CCNG1: variants seen among roughly 807,000 people sequenced by gnomAD.
CCNG1 encodes the protein cyclin-G1.
Under a neutral mutation model 30.0 loss-of-function variants are expected in CCNG1, and 13 were observed. The ratio of observed to expected loss-of-function variants is 0.43; its 90% CI spans 0.28 to 0.69. CCNG1 has a LOEUF of 0.69. Ranked by LOEUF, CCNG1 falls within the 30% of genes least tolerant of loss-of-function variation. The pLI, the probability that CCNG1 is intolerant of heterozygous loss-of-function variation, is 0.16. For missense variants in CCNG1, 285 were observed against 331.4 expected, an observed-to-expected ratio of 0.86 and a Z score of 1.09; for synonymous variants, 110 against 121.5, an observed-to-expected ratio of 0.91 and a Z score of 0.62.
At position 163,441,953 on chromosome 5, in the gene CCNG1, T is replaced by C; in HGVS notation, c.586T>C (p.Ser196Pro). ...LKACHCRIIFSKAKPSVLALS... is the reference protein window; with the variant it reads ...LKACHCRIIFPKAKPSVLALS... ...GGCATGTCATTGCAGGATCATATTTTCTAAAGCAAAGGTAAATATTTTATA... is the reference window on the plus strand; with the variant it reads ...GGCATGTCATTGCAGGATCATATTTCCTAAAGCAAAGGTAAATATTTTATA... The change falls in exon 4 of 7, where the codon TCT (serine) becomes CCT (proline). Residue 196 changes from serine to proline, a missense_variant. Physicochemically the swap from Ser to Pro is moderately conservative, Grantham distance 74. Transcript: ENST00000340828. 1 of 1,607,378 alleles carries C rather than the reference T, an allele frequency of 6.2e-7. No homozygotes were observed. Among genetic ancestry groups the C allele is most frequent in the Non-Finnish European group, 8.5e-7 (1 of 1,174,164 alleles).
At chr5:163,452,159 G>C in the CCNG1 span, 2 of 152,030 alleles carry the variant, frequency 1.3e-5, no homozygotes, top group Non-Finnish European at 2.9e-5. Flanking sequence ...AAGCCCATGG[G>C]ATCAGAATTT....
downstream of CCNG1, chr5:163,450,940 C>T (rs910081294): frequency 3.9e-5 from 6 of 152,306 alleles, no homozygotes; most frequent in Admixed American, 3.9e-4. Flanking sequence ...TACAGCCATA[C>T]AATGAAGTAT....
chr5:163,441,069 A>AT lies in CCNG1; in HGVS notation c.265-3dup, dbSNP rs1282483492. Reference sequence around the variant, plus strand: ...CATGGGCTTACTGGTTTTGTTTTTGATTTTTTAGGTACAGCCCAAGCACCT... The same window carrying AT: ...CATGGGCTTACTGGTTTTGTTTTTGATTTTTTTAGGTACAGCCCAAGCACCT... On this transcript the variant is annotated splice_polypyrimidine_tract_variant and intron_variant, in intron 2 of 6. Transcript: ENST00000340828. 4.4e-6 allele frequency: 7 copies of AT among 1,602,292 alleles called. No homozygotes were observed. Among genetic ancestry groups the AT allele is most frequent in the Admixed American group, 1.7e-5 (1 of 57,146 alleles).
chr5:163,454,114 G>A, the CCNG1 span: 3 of 783,010 alleles, frequency 3.8e-6, no homozygotes, highest in East Asian at 9.2e-5. Flanking sequence ...AGTACAAACT[G>A]GCAATTGATA....
At chr5:163,456,689 G>A in the CCNG1 span, among the ~76,000 whole-genome samples, 2 of 152,116 alleles carry the variant, frequency 1.3e-5, no homozygotes, top group East Asian at 3.8e-4. Context: ...CATTACTGAT[G>A]TACATAAAAG....
At chr5:163,453,109 A>G in the CCNG1 span, 3 of 152,256 alleles carry the variant, frequency 2.0e-5, no homozygotes, top group Admixed American at 2.0e-4. Context: ...GTCTTCAACT[A>G]AATCACAAAT....
chr5:163,443,953 T>C lies in CCNG1; in HGVS notation c.*283T>C. The C allele has an allele frequency of 2.2e-6, 1 of 451,296 alleles. No individual in the cohort carries two copies. The highest frequency in any genetic ancestry group is 3.9e-6 in the Non-Finnish European group (1 of 254,812). The allele number at this position is 451,296 out of a possible 1,614,324, so 28.0% of individuals were successfully genotyped here. A position where few individuals can be genotyped will look rare whatever the true frequency, so the allele number is the denominator to read the frequency against. On this transcript the variant is annotated 3_prime_UTR_variant, in exon 7 of 7. Coordinates refer to ENST00000340828, the MANE Select transcript of CCNG1 (RefSeq NM_004060.4). ...AAACTGTGAATCTTCATTTCTATCA[T>C]TGATCTAACTTTAGATATTGGATCA... is the stretch of plus-strand genomic sequence containing the variant.
chr5:163,442,345 A>G, intron 5 of CCNG1, 29 bp from the exon 6 acceptor site: 1 of 1,532,890 alleles, frequency 6.5e-7, no homozygotes, highest in Non-Finnish European at 8.9e-7. Context: ...ACTTGGAGTA[A>G]TAATTTTTTA....
downstream of CCNG1, chr5:163,447,973 T>A (rs745874718): frequency 7.9e-5 from 12 of 152,054 alleles, no homozygotes; most frequent in Non-Finnish European, 1.6e-4. Context: ...AGTTCTCAAA[T>A]TAACACTCTA....
At chr5:163,455,735 GAAAA>G in the CCNG1 span, among the ~76,000 whole-genome samples, 1 of 108,808 alleles carries the variant, frequency 9.2e-6, no homozygotes, top group Admixed American at 9.6e-5. Context: ...CTCCATCTCA[GAAAA>G]AAAAAAAAAA....
the CCNG1 span, among the ~76,000 whole-genome samples, chr5:163,454,923 C>G: frequency 6.6e-6 from 1 of 152,118 alleles, no homozygotes; most frequent in African/African-American, 2.4e-5. Flanking sequence ...TCAACCAGTA[C>G]AGGGGCTGGC....
At chr5:163,445,316 C>G (rs1581172981), downstream of CCNG1, among the ~76,000 whole-genome samples, 1 of 151,444 alleles carries the variant, frequency 6.6e-6, no homozygotes, top group East Asian at 1.9e-4. Context: ...TGACTATTAG[C>G]TGACACTTTG....
At chr5:163,452,768 C>T in the CCNG1 span, 1 of 152,284 alleles carries the variant, frequency 6.6e-6, no homozygotes, top group South Asian at 2.1e-4. Flanking sequence ...TCAATCTAAT[C>T]ATGAAGTATC....
At chr5:163,445,626 T>TTTTC, downstream of CCNG1, among the ~76,000 whole-genome samples, 1 of 142,518 alleles carries the variant, frequency 7.0e-6, no homozygotes, top group East Asian at 2.0e-4. Flanking sequence ...GCTAATTTTT[T>TTTTC]TTTTTTTTTT....
At chr5:163,456,127 T>C in the CCNG1 span, among the ~76,000 whole-genome samples, 1 of 152,174 alleles carries the variant, frequency 6.6e-6, no homozygotes, top group Non-Finnish European at 1.5e-5. Context: ...GGTGGAGATG[T>C]TGAATAGGCA....
chr5:163,456,214 C>T, the CCNG1 span, among the ~76,000 whole-genome samples: 2 of 152,098 alleles, frequency 1.3e-5, no homozygotes, highest in Non-Finnish European at 2.9e-5. Flanking sequence ...ATCATAAAGA[C>T]GTACATTATC....
rs1178645081 is a variant in CCNG1 at position 163,441,187 on chromosome 5, G to T, written c.374G>T (p.Ser125Ile). 1 of 1,613,992 alleles carries T rather than the reference G, an allele frequency of 6.2e-7. No homozygotes were observed. Among genetic ancestry groups the T allele is most frequent in the East Asian group, 2.2e-5 (1 of 44,870 alleles). ...TTGGCAACTGACTTGATCCGAATAA[G>T]TCAATATAGGTTTACGGTTTCAGAC... Reference protein sequence around the residue: ...VPLATDLIRISQYRFTVSDLM... With the variant: ...VPLATDLIRIIQYRFTVSDLM... Residue 125 changes from serine (S) to isoleucine (I), a missense_variant, in exon 3 of 7, where the codon AGT becomes ATT. Physicochemically the swap from Ser to Ile is moderately radical, Grantham distance 142. Transcript: ENST00000340828.
At chr5:163,454,256 C>T in the CCNG1 span, among the ~76,000 whole-genome samples, 1 of 152,132 alleles carries the variant, frequency 6.6e-6, no homozygotes, top group Non-Finnish European at 1.5e-5. Flanking sequence ...ATCATATGTA[C>T]ACTACAATGT....
At chr5:163,455,359 C>A in the CCNG1 span, among the ~76,000 whole-genome samples, 1 of 152,138 alleles carries the variant, frequency 6.6e-6, no homozygotes, top group Non-Finnish European at 1.5e-5. Context: ...AGAGGGATAG[C>A]TGTAAGGGAG....
Sources: gnomAD v4.1 joint callset for allele counts (sites outside exome capture counted in the v4.1 genomes callset) on GRCh38, gnomAD v4.1.1 for gene constraint, MANE v1.5 for transcripts, NCBI Gene and HGNC (gene_info 2026-07-23, HGNC 2026-07-21) for gene names.